Variants in CCDC171 observed in about 807,000 individuals in gnomAD.
CCDC171 encodes the protein coiled-coil domain containing 171, also known as coiled-coil domain-containing protein 171.
In CCDC171, 177 loss-of-function variants were observed where a neutral mutation model predicts 168.2. The observed-to-expected ratio is 1.05, with a 90% CI of 0.93 to 1.19. The LOEUF (loss-of-function observed/expected upper bound fraction) is 1.19. CCDC171 is among the 50% of genes most tolerant of loss of function. The pLI is 0.00. For synonymous variants in CCDC171, 687 were observed against 540.8 expected, an observed-to-expected ratio of 1.27 and a Z score of -3.75; for missense variants, 1,991 against 1,539.0, an observed-to-expected ratio of 1.29 and a Z score of -4.91.
At chr9:15,587,102 C>T (rs1587170285) in intron 4 of CCDC171, among the ~76,000 whole-genome samples, 1 of 152,166 alleles carries the variant, frequency 6.6e-6, no homozygotes, top group Admixed American at 6.5e-5. Context: ...TGTGAGCCAC[C>T]ATGCTCAGCC....
intron 25 of CCDC171, among the ~76,000 whole-genome samples, chr9:15,926,339 C>G (rs1472409257): frequency 6.6e-6 from 1 of 151,688 alleles, no homozygotes; most frequent in African/African-American, 2.4e-5. Context: ...AGCCACCCAA[C>G]TCACCCAAAC....
chr9:16,033,405 G>A (rs1355663617), intron 6 of CCDC171, among the ~76,000 whole-genome samples: 4 of 152,116 alleles, frequency 2.6e-5, no homozygotes, highest in African/African-American at 9.7e-5. Context: ...GAACAGCAGC[G>A]GCATTAGATT....
chr9:15,743,138 C>CTTTTTTTTTTTTTTT (rs66642691), intron 16 of CCDC171, among the ~76,000 whole-genome samples: 2 of 73,270 alleles, frequency 2.7e-5, no homozygotes, highest in Non-Finnish European at 4.9e-5. Context: ...CTGTTACCTT[C>CTTTTTTTTTTTTTTT]TTTTTTTTTT....
intron 4 of CCDC171, chr9:15,588,738 C>T (rs1477735548): frequency 1.4e-5 from 2 of 145,228 alleles, no homozygotes; most frequent in South Asian, 1.9e-4. Flanking sequence ...GACGGAGTCT[C>T]ACTCTGTCAC....
chr9:16,086,026 T>TATGG, the CCDC171 span, among the ~76,000 whole-genome samples: 1 of 110,654 alleles, frequency 9.0e-6, no homozygotes, highest in South Asian at 2.9e-4. Flanking sequence ...TTGGAATAGT[T>TATGG]TCACCAGCTC....
At chr9:15,786,447 A>C (rs1299778309) in intron 21 of CCDC171, among the ~76,000 whole-genome samples, 3 of 152,178 alleles carry the variant, frequency 2.0e-5, no homozygotes, top group Non-Finnish European at 4.4e-5. Context: ...TATATTCCAG[A>C]CTTTATGTTT....
intron 4 of CCDC171, chr9:15,587,512 T>A: frequency 2.6e-6 from 1 of 380,946 alleles, no homozygotes; most frequent in South Asian, 2.0e-5. Flanking sequence ...ATAAACCTCT[T>A]TCTTTTGTAA....
At chr9:15,955,157 C>T (rs10810505) in intron 25 of CCDC171, among the ~76,000 whole-genome samples, 47,496 of 152,080 alleles carry the variant, frequency 0.31, 9,225 homozygotes, top group East Asian at 0.61. Flanking sequence ...TGTAAACTTA[C>T]GGTCTTCTCA....
chr9:15,826,619 A>AC (rs1318489531), intron 21 of CCDC171, among the ~76,000 whole-genome samples: 2 of 152,186 alleles, frequency 1.3e-5, no homozygotes, highest in Non-Finnish European at 2.9e-5. Context: ...AACTAGGGAT[A>AC]ATATGCTCAG....
At chr9:15,995,176 C>T (rs1832333367) in intron 3 of CCDC171, among the ~76,000 whole-genome samples, 1 of 152,162 alleles carries the variant, frequency 6.6e-6, no homozygotes, top group Non-Finnish European at 1.5e-5. Context: ...TCTAAGTCTA[C>T]CCTAGGCACA....
chr9:16,087,239 A>G, the CCDC171 span, among the ~76,000 whole-genome samples: 2 of 152,128 alleles, frequency 1.3e-5, no homozygotes, highest in East Asian at 3.8e-4. Flanking sequence ...GTAGATGTCT[A>G]TTAGGTGTTC....
chr9:15,975,539 AG>A (rs891138258), downstream of CCDC171, among the ~76,000 whole-genome samples: 17 of 152,186 alleles, frequency 1.1e-4, no homozygotes, highest in Non-Finnish European at 1.5e-5. Flanking sequence ...TATCTTTCAA[AG>A]GAAACACCAC....
At chr9:15,624,471 C>A (rs1587504463) in intron 7 of CCDC171, among the ~76,000 whole-genome samples, 3 of 152,182 alleles carry the variant, frequency 2.0e-5, no homozygotes, top group Admixed American at 2.0e-4. Context: ...CACTCCCCCA[C>A]CCCATGACAG....
chr9:15,859,780 C>T (rs1445224356), intron 23 of CCDC171, among the ~76,000 whole-genome samples: 1 of 151,828 alleles, frequency 6.6e-6, no homozygotes, highest in Non-Finnish European at 1.5e-5. Context: ...CTACCTCAGT[C>T]TCCTAAGTAG....
intron 8 of CCDC171, among the ~76,000 whole-genome samples, chr9:15,662,391 A>C (rs1397511659): frequency 6.6e-6 from 1 of 151,856 alleles, no homozygotes; most frequent in Non-Finnish European, 1.5e-5. Flanking sequence ...AAACATTTTC[A>C]TAGTGTCTTA....
intron 24 of CCDC171, among the ~76,000 whole-genome samples, chr9:15,892,297 C>T (rs550181598): frequency 3.2e-4 from 48 of 152,228 alleles, no homozygotes; most frequent in African/African-American, 1.1e-3. Flanking sequence ...AAGGGGAATG[C>T]TTCCAGCTTC....
intron 7 of CCDC171, among the ~76,000 whole-genome samples, chr9:15,627,745 G>A (rs976434172): frequency 6.6e-6 from 1 of 152,182 alleles, no homozygotes; most frequent in African/African-American, 2.4e-5. Context: ...CAACTTTGTG[G>A]TCAGTTTTGG....
rs12001150 is a variant in CCDC171 at position 15,705,853 on chromosome 9, G to A, written c.1318+10516G>A. ...AACAGTCACTCAAAAAGTATTTGTC[G>A]AATATGAATAAAAATATGAATGAAT... is the stretch of plus-strand genomic sequence containing the variant. On this transcript the variant is annotated intron_variant, in intron 11 of 25. Transcript: ENST00000380701. 5.0e-3 allele frequency among the ~76,000 whole-genome samples: 766 copies of A among 152,238 alleles called. 7 individuals carry two copies. Among genetic ancestry groups the A allele is most frequent in the African/African-American group, 0.018 (745 of 41,532 alleles).
At chr9:16,068,280 A>G in the CCDC171 span, among the ~76,000 whole-genome samples, 1 of 151,774 alleles carries the variant, frequency 6.6e-6, no homozygotes, top group African/African-American at 2.4e-5. Flanking sequence ...AAGGAGAACT[A>G]CAAACCACTG....
Sources: gnomAD v4.1 joint callset for allele counts (sites outside exome capture counted in the v4.1 genomes callset) on GRCh38, gnomAD v4.1.1 for gene constraint, MANE v1.5 for transcripts, NCBI Gene and HGNC (gene_info 2026-07-23, HGNC 2026-07-21) for gene names.